The following OR11A1 variants were observed in gnomAD, a reference collection of about 807,000 sequenced individuals.
The protein encoded by OR11A1 is olfactory receptor 11A1.
For synonymous variants in OR11A1, 158 were observed against 152.2 expected, an observed-to-expected ratio of 1.04 and a Z score of -0.28; for missense variants, 380 against 378.2, an observed-to-expected ratio of 1.00 and a Z score of -0.04.
intron 1 of OR11A1, among the ~76,000 whole-genome samples, chr6:29,454,518 T>C (rs979822670): frequency 6.6e-6 from 1 of 152,200 alleles, no homozygotes; most frequent in African/African-American, 2.4e-5. Flanking sequence ...CAAGAATATG[T>C]CAAAATTGAC....
intron 1 of OR11A1, among the ~76,000 whole-genome samples, chr6:29,438,170 A>C (rs370205522): frequency 2.0e-5 from 3 of 152,330 alleles, no homozygotes; most frequent in African/African-American, 7.2e-5. Context: ...TCTTGAAAAC[A>C]TTCTATTTGA....
Position 29,453,317 on chromosome 6 carries a change from A to G in OR11A1, c.-389+3670T>C, listed in dbSNP as rs1343597670. ...TATAAAACCAGAAAAATTGTCAAAA[A>G]CAATCATTTCAGGTGTCTGGAAATA... is the stretch of plus-strand genomic sequence containing the variant. On this transcript the variant is annotated intron_variant, in intron 1 of 4. Coordinates refer to ENST00000377149, the MANE Select transcript of OR11A1 (RefSeq NM_001394828.1). The surrounding 1 kb of genome is among the most constrained non-coding windows in gnomAD (Gnocchi z 4.5). 6.6e-6 allele frequency among the ~76,000 whole-genome samples: 1 copy of G among 152,038 alleles called. No homozygotes were observed. Among genetic ancestry groups the G allele is most frequent in the Non-Finnish European group, 1.5e-5 (1 of 67,964 alleles).
chr6:29,430,713 G>A (rs552508887), intron 2 of OR11A1, among the ~76,000 whole-genome samples: 3 of 152,238 alleles, frequency 2.0e-5, no homozygotes, highest in African/African-American at 7.2e-5. Context: ...TGGGTATAAT[G>A]CACACTATCT....
chr6:29,434,859 C>T (rs1444032147), intron 1 of OR11A1, among the ~76,000 whole-genome samples: 6 of 152,156 alleles, frequency 3.9e-5, no homozygotes, highest in Non-Finnish European at 8.8e-5. Context: ...ATGAAAAATA[C>T]ATTTCTACCT....
intron 1 of OR11A1, among the ~76,000 whole-genome samples, chr6:29,432,800 T>C (rs1235945610): frequency 6.6e-6 from 1 of 152,184 alleles, no homozygotes; most frequent in South Asian, 2.1e-4. Context: ...GTGTCATTTA[T>C]CAAACTCAGA....
intron 1 of OR11A1, among the ~76,000 whole-genome samples, chr6:29,446,514 T>C (rs1784792785): frequency 6.6e-6 from 1 of 152,130 alleles, no homozygotes. Context: ...TCTTAACCAA[T>C]TAGAGGCACT....
Position 29,440,918 on chromosome 6 carries a change from G to A in OR11A1, c.-388-8931C>T, listed in dbSNP as rs752361753. The A allele has an allele frequency of 3.1e-6, 5 of 1,612,940 alleles. No homozygotes were observed. The Admixed American group carries it at 6.7e-5, about 22-fold the overall frequency. On this transcript the variant is annotated intron_variant, in intron 1 of 4. Transcript: ENST00000377149. Reference sequence around the variant, plus strand: ...ACACAGAGGTCAAAGCTGCCCTAAAGAGAACCATCCAGAAAACGGTGCCTA... The same window carrying A: ...ACACAGAGGTCAAAGCTGCCCTAAAAAGAACCATCCAGAAAACGGTGCCTA...
At chr6:29,428,630 G>T (rs1235134891) in intron 4 of OR11A1, among the ~76,000 whole-genome samples, 1 of 151,756 alleles carries the variant, frequency 6.6e-6, no homozygotes, top group Non-Finnish European at 1.5e-5. Context: ...GGTGGCGGGC[G>T]CCTGTAGTCC....
chr6:29,434,560 A>C (rs1016680896), intron 1 of OR11A1, among the ~76,000 whole-genome samples: 3 of 152,220 alleles, frequency 2.0e-5, no homozygotes, highest in Non-Finnish European at 2.9e-5. Context: ...ATCATGGTGA[A>C]AGATCCTTTT....
At chr6:29,442,201 C>A (rs1784260114) in intron 1 of OR11A1, among the ~76,000 whole-genome samples, 1 of 151,968 alleles carries the variant, frequency 6.6e-6, no homozygotes, top group Admixed American at 6.6e-5. Flanking sequence ...CACAAGAGAC[C>A]CAGAGGAAGG....
At chr6:29,440,240 C>T in intron 1 of OR11A1, 2 of 1,613,976 alleles carry the variant, frequency 1.2e-6, no homozygotes, top group African/African-American at 1.3e-5. Context: ...ATACGTCTGT[C>T]ACGGTCCCCC....
chr6:29,434,713 G>A (rs192547040), intron 1 of OR11A1, among the ~76,000 whole-genome samples: 1 of 152,264 alleles, frequency 6.6e-6, no homozygotes, highest in East Asian at 1.9e-4. Context: ...ACTTTTTAAG[G>A]TCATCAGTTC....
chr6:29,443,203 A>G (rs1342690657), intron 1 of OR11A1, among the ~76,000 whole-genome samples: 1 of 152,158 alleles, frequency 6.6e-6, no homozygotes, highest in Non-Finnish European at 1.5e-5. Context: ...GCACCATGAC[A>G]TTATAGGCGC....
At chr6:29,443,655 T>C (rs1535039) in intron 1 of OR11A1, among the ~76,000 whole-genome samples, 7,969 of 152,254 alleles carry the variant, frequency 0.052, 350 homozygotes, top group Non-Finnish European at 0.093. Context: ...TTCTCTGGGG[T>C]AAATACATAG....
chr6:29,433,109 G>C (rs1384886099), intron 1 of OR11A1, among the ~76,000 whole-genome samples: 1 of 152,016 alleles, frequency 6.6e-6, no homozygotes, highest in Non-Finnish European at 1.5e-5. Flanking sequence ...ATGATGTTTT[G>C]ACATATGTAT....
At chr6:29,442,234 C>T (rs1784263741) in intron 1 of OR11A1, among the ~76,000 whole-genome samples, 1 of 152,138 alleles carries the variant, frequency 6.6e-6, no homozygotes, top group Non-Finnish European at 1.5e-5. Flanking sequence ...CTCTATACAT[C>T]ACTGTTAACA....
chr6:29,428,366 C>T, intron 4 of OR11A1: 1 of 985,556 alleles, frequency 1.0e-6, no homozygotes, highest in Non-Finnish European at 1.2e-6. Context: ...GGACCAAACC[C>T]AGCCTGGGGT....
intron 1 of OR11A1, among the ~76,000 whole-genome samples, chr6:29,438,263 CAAAG>C (rs1001117202): frequency 2.6e-5 from 4 of 151,524 alleles, no homozygotes; most frequent in Non-Finnish European, 5.9e-5. Context: ...GATAAAAATG[CAAAG>C]AAAGATTTGT....
chr6:29,430,343 T>G lies in OR11A1; in HGVS notation c.-182A>C. The G allele has an allele frequency of 1.0e-6, 1 of 985,400 alleles. No homozygotes were observed. The highest frequency in any genetic ancestry group is 4.7e-5 in the South Asian group (1 of 21,286). 61.0% of individuals were successfully genotyped at this position (985,400 alleles called of 1,614,324 possible). A position where few individuals can be genotyped will look rare whatever the true frequency, so the allele number is the denominator to read the frequency against. On this transcript the variant is annotated 5_prime_UTR_variant, in exon 3 of 5. Coordinates refer to ENST00000377149, the MANE Select transcript of OR11A1 (RefSeq NM_001394828.1). ...ATTTCCTTGTGAGTGAATCTGGCACTCCCTATGTGGGCCATCTTTAACTCT... is the reference window on the plus strand; with the variant it reads ...ATTTCCTTGTGAGTGAATCTGGCACGCCCTATGTGGGCCATCTTTAACTCT...
Sources: allele counts gnomAD v4.1 joint callset (sites outside exome capture counted in the v4.1 genomes callset), GRCh38; gene constraint gnomAD v4.1.1; non-coding constraint Gnocchi (gnomAD v3.1); transcripts MANE v1.5; gene names NCBI Gene and HGNC (gene_info 2026-07-23, HGNC 2026-07-21).